ZNF438: variants seen among roughly 807,000 people sequenced by gnomAD.
ZNF438 encodes zinc finger protein 438.
ZNF438 carries 25 observed loss-of-function variants against 38.0 expected under a neutral mutation model. The ratio of observed to expected loss-of-function variants is 0.66; its 90% CI spans 0.48 to 0.92. The LOEUF is 0.92. ZNF438 is among the 40% of genes least tolerant of loss of function. ZNF438 has a pLI of 0.00. For synonymous variants in ZNF438, 372 were observed against 364.1 expected (o/e 1.02, Z -0.25); for missense variants, 1,007 against 999.6 (o/e 1.01, Z -0.10).
chr10:30,978,009 C>T (rs2051617021), intron 1 of ZNF438, among the ~76,000 whole-genome samples: 1 of 150,788 alleles, frequency 6.6e-6, no homozygotes, highest in South Asian at 2.1e-4. Context: ...TTCTAAGGGA[C>T]ATTGGTATGT....
intron 2 of ZNF438, among the ~76,000 whole-genome samples, chr10:30,923,559 G>T (rs1337882863): frequency 6.6e-6 from 1 of 152,120 alleles, no homozygotes; most frequent in Non-Finnish European, 1.5e-5. Context: ...ACCATATACT[G>T]AAAGCTGTTA....
intron 2 of ZNF438, among the ~76,000 whole-genome samples, chr10:30,928,576 C>G (rs938057200): frequency 6.8e-6 from 1 of 146,596 alleles, no homozygotes; most frequent in African/African-American, 2.5e-5. Context: ...AAAAAAAAAG[C>G]AAACATTCTG....
intron 5 of ZNF438, among the ~76,000 whole-genome samples, chr10:30,847,811 G>A (rs1371102068): frequency 6.6e-6 from 1 of 152,218 alleles, no homozygotes. Flanking sequence ...GCAGCAGCCG[G>A]CGTGCCTGCC....
chr10:31,026,570 T>C (rs146531477), intron 1 of ZNF438, among the ~76,000 whole-genome samples: 2,662 of 152,246 alleles, frequency 0.017, 66 homozygotes, highest in African/African-American at 0.06. Flanking sequence ...AGATTGGCGA[T>C]CATTAAAAAG....
At chr10:30,890,958 A>C (rs2040609006) in intron 3 of ZNF438, among the ~76,000 whole-genome samples, 1 of 152,238 alleles carries the variant, frequency 6.6e-6, no homozygotes, top group South Asian at 2.1e-4. Flanking sequence ...TTCCAGGTTG[A>C]AAATTAAAGG....
intron 1 of ZNF438, among the ~76,000 whole-genome samples, chr10:30,966,681 AAAAG>A (rs1564754538): frequency 1.3e-5 from 2 of 151,512 alleles, no homozygotes; most frequent in Non-Finnish European, 2.9e-5. Context: ...AAAAAAAAAA[AAAAG>A]AAAGAAAGGA....
At chr10:30,861,797 T>C (rs1361189401) in intron 4 of ZNF438, among the ~76,000 whole-genome samples, 1 of 152,246 alleles carries the variant, frequency 6.6e-6, no homozygotes, top group African/African-American at 2.4e-5. Flanking sequence ...TAAAGTTGTT[T>C]ATTTTTTGGC....
chr10:30,978,057 A>T (rs1316461695), intron 1 of ZNF438, among the ~76,000 whole-genome samples: 1 of 152,344 alleles, frequency 6.6e-6, no homozygotes, highest in Admixed American at 6.5e-5. Flanking sequence ...GTTAAAAAAC[A>T]TGAAATAAAA....
intron 1 of ZNF438, among the ~76,000 whole-genome samples, chr10:31,030,115 C>CT (rs1564372022): frequency 6.6e-6 from 1 of 152,164 alleles, no homozygotes; most frequent in East Asian, 1.9e-4. Flanking sequence ...GTAAGCTCTA[C>CT]TTTTTTTAAG....
chr10:30,937,177 C>T (rs763522403), intron 2 of ZNF438, among the ~76,000 whole-genome samples: 7 of 152,144 alleles, frequency 4.6e-5, no homozygotes, highest in Non-Finnish European at 8.8e-5. Flanking sequence ...AGGGGATGGG[C>T]CCAAATGGAG....
intron 1 of ZNF438, among the ~76,000 whole-genome samples, chr10:30,982,196 G>A (rs900359824): frequency 3.3e-5 from 5 of 151,410 alleles, no homozygotes; most frequent in Non-Finnish European, 7.4e-5. Context: ...CCGCCTCCCG[G>A]GTTCACACCA....
intron 1 of ZNF438, among the ~76,000 whole-genome samples, chr10:31,003,638 C>T (rs2054865064): frequency 6.6e-6 from 1 of 152,130 alleles, no homozygotes. Context: ...CTAAAGATGC[C>T]ACTCCTTATC....
At chr10:31,010,406 T>G (rs17229781) in intron 1 of ZNF438, among the ~76,000 whole-genome samples, 14,387 of 152,190 alleles carry the variant, frequency 0.095, 731 homozygotes, top group Non-Finnish European at 0.11. Flanking sequence ...GTAGTCCTAA[T>G]TCAGAGCTGA....
chr10:30,849,176 T>C, exon 5 of ZNF438: 2 of 1,613,926 alleles, frequency 1.2e-6, no homozygotes, highest in Non-Finnish European at 1.7e-6. Context: ...TTCTTTACCA[T>C]CTCTACACTT....
At chr10:30,975,500 G>T (rs541075508) in intron 1 of ZNF438, among the ~76,000 whole-genome samples, 1 of 152,094 alleles carries the variant, frequency 6.6e-6, no homozygotes, top group Non-Finnish European at 1.5e-5. Flanking sequence ...TAAATAACTG[G>T]TAATTCTCCC....
chr10:30,845,359 C>T lies in ZNF438; in HGVS notation c.2089G>A (p.Ala697Thr), dbSNP rs374470092. Residue 697 changes from alanine to threonine, a missense_variant, in exon 6 of 6, where the codon GCT becomes ACT. Physicochemically the swap from Ala to Thr is moderately conservative, Grantham distance 58. Transcript: ENST00000413025. ...GGATGCCTTTTCCAGTCGGGGCTAG[C>T]GTGCTGCACCAACTCTTCCTGAGTC... 1.4e-5 allele frequency: 23 copies of T among 1,614,146 alleles called. No individual in the cohort carries two copies. Among genetic ancestry groups the T allele is most frequent in the East Asian group, 1.1e-4 (5 of 44,884 alleles).
chr10:31,012,154 G>A (rs191515579), intron 1 of ZNF438, among the ~76,000 whole-genome samples: 3 of 142,810 alleles, frequency 2.1e-5, no homozygotes, highest in African/African-American at 5.3e-5. Context: ...ATGGAGTCTC[G>A]CTCTGTCGCC....
At chr10:30,940,375 A>T (rs1181064243) in intron 2 of ZNF438, among the ~76,000 whole-genome samples, 1 of 152,250 alleles carries the variant, frequency 6.6e-6, no homozygotes. Flanking sequence ...ACTGGCAGAG[A>T]GAGAAAGAGC....
intron 4 of ZNF438, among the ~76,000 whole-genome samples, chr10:30,853,129 T>C (rs2033990646): frequency 6.6e-6 from 1 of 152,214 alleles, no homozygotes; most frequent in African/African-American, 2.4e-5. Context: ...TCTTTGCATT[T>C]ACACAACAGA....
Sources: gnomAD v4.1 joint callset for allele counts (sites outside exome capture counted in the v4.1 genomes callset) on GRCh38, gnomAD v4.1.1 for gene constraint, MANE v1.5 for transcripts, NCBI Gene and HGNC (gene_info 2026-07-23, HGNC 2026-07-21) for gene names.